The following KIAA1549L variants were observed in gnomAD, a reference collection of about 807,000 sequenced individuals.
KIAA1549L encodes the protein UPF0606 protein KIAA1549L.
Under a neutral mutation model 160.7 loss-of-function variants are expected in KIAA1549L, and 88 were observed. That is an observed-to-expected ratio of 0.55 (90% CI 0.46 to 0.65). The LOEUF is 0.65. Ranked by LOEUF, KIAA1549L falls within the 30% of genes least tolerant of loss-of-function variation. The probability of loss-of-function intolerance (pLI) is 0.00; values close to 1 mark genes in which losing one functional copy is unlikely to be tolerated. For missense variants in KIAA1549L, 2,258 were observed against 2,437.5 expected, an observed-to-expected ratio of 0.93 and a Z score of 1.55; for synonymous variants, 950 against 976.7, an observed-to-expected ratio of 0.97 and a Z score of 0.51.
intron 1 of KIAA1549L, among the ~76,000 whole-genome samples, chr11:33,427,134 G>A (rs893101792): frequency 6.6e-6 from 1 of 152,138 alleles, no homozygotes; most frequent in African/African-American, 2.4e-5. Context: ...TGGGCCTTTG[G>A]TGCTGCCCAG....
At chr11:33,659,897 T>A (rs1852201827) in intron 19 of KIAA1549L, among the ~76,000 whole-genome samples, 1 of 152,188 alleles carries the variant, frequency 6.6e-6, no homozygotes, top group African/African-American at 2.4e-5. Flanking sequence ...TGGGGCTGCA[T>A]GGCAGGTGGA....
intron 13 of KIAA1549L, among the ~76,000 whole-genome samples, chr11:33,604,185 T>G (rs1850438567): frequency 6.6e-6 from 1 of 152,210 alleles, no homozygotes; most frequent in South Asian, 2.1e-4. Context: ...TCATATCATA[T>G]CTGTGGGTAA....
chr11:33,400,060 A>G (rs1304958006), intron 1 of KIAA1549L, among the ~76,000 whole-genome samples: 1 of 152,022 alleles, frequency 6.6e-6, no homozygotes, highest in Admixed American at 6.5e-5. Context: ...AATATGTTCA[A>G]TGTTTATTAT....
chr11:33,612,778 C>G (rs1047785066), intron 15 of KIAA1549L, among the ~76,000 whole-genome samples: 14 of 152,110 alleles, frequency 9.2e-5, no homozygotes, highest in African/African-American at 3.1e-4. Context: ...CTGAAGTATA[C>G]CCCAGTGTCG....
intron 1 of KIAA1549L, among the ~76,000 whole-genome samples, chr11:33,436,297 G>T (rs1851380260): frequency 6.6e-6 from 1 of 152,148 alleles, no homozygotes; most frequent in African/African-American, 2.4e-5. Context: ...GAGATGAGAA[G>T]CCCAAGATCA....
intron 1 of KIAA1549L, among the ~76,000 whole-genome samples, chr11:33,400,637 T>C (rs753201605): frequency 5.9e-5 from 9 of 152,212 alleles, no homozygotes; most frequent in Admixed American, 1.3e-4. Context: ...CCACAGCACA[T>C]AGTAGAAATT....
At position 33,478,920 on chromosome 11, in the gene KIAA1549L, C is replaced by T. The variant is rs117666511; in HGVS notation, c.239-62882C>T. 6.4e-3 allele frequency among the ~76,000 whole-genome samples: 979 copies of T among 152,224 alleles called. 9 individuals carry two copies. The highest frequency in any genetic ancestry group is 9.4e-3 in the Non-Finnish European group (639 of 68,014). The stretch of plus-strand genomic sequence containing the variant: ...TGCTGGGATTACAGGTGTCAGCCAC[C>T]ATGCCCAGCCACAGGTGCTATTATT... On this transcript the variant is annotated intron_variant, in intron 1 of 20. Transcript: ENST00000658780.
At chr11:33,573,427 T>C (rs548124525) in intron 9 of KIAA1549L, among the ~76,000 whole-genome samples, 123 of 152,328 alleles carry the variant, frequency 8.1e-4, no homozygotes, top group African/African-American at 2.8e-3. Flanking sequence ...TAACTTTATA[T>C]TTTGTGATTT....
At position 33,654,510 on chromosome 11, in the gene KIAA1549L, G is replaced by A. The variant is rs560975285; in HGVS notation, c.5761-1502G>A. 3.3e-5 allele frequency among the ~76,000 whole-genome samples: 5 copies of A among 152,274 alleles called. No individual in the cohort carries two copies. In the South Asian group the frequency reaches 1.0e-3, roughly 32 times the overall value. ...TTTTCTCCAACAAGGATTTACAATT[G>A]CTTCTGCCTGAGCTGGGATCATTGC... On this transcript the variant is annotated intron_variant, in intron 17 of 20. Coordinates refer to ENST00000658780, the MANE Select transcript of KIAA1549L (RefSeq NM_012194.3).
chr11:33,383,731 G>T (rs1850118815), intron 1 of KIAA1549L, among the ~76,000 whole-genome samples: 1 of 152,206 alleles, frequency 6.6e-6, no homozygotes, highest in Non-Finnish European at 1.5e-5. Flanking sequence ...CAGGTTGGGG[G>T]ATGTGGCAGG....
intron 1 of KIAA1549L, among the ~76,000 whole-genome samples, chr11:33,483,227 T>G (rs2133051925): frequency 6.6e-6 from 1 of 152,278 alleles, no homozygotes; most frequent in Middle Eastern, 3.4e-3. Context: ...TGAGATCCTT[T>G]ATGTAATAAA....
chr11:33,387,837 A>C (rs1168081877), intron 1 of KIAA1549L, among the ~76,000 whole-genome samples: 1 of 152,102 alleles, frequency 6.6e-6, no homozygotes, highest in African/African-American at 2.4e-5. Flanking sequence ...AGCCATAAGC[A>C]GATGTTTTGG....
chr11:33,405,108 T>C (rs1377656313), intron 1 of KIAA1549L, among the ~76,000 whole-genome samples: 1 of 152,216 alleles, frequency 6.6e-6, no homozygotes, highest in African/African-American at 2.4e-5. Flanking sequence ...TGTTTTTGTT[T>C]TGGCTTATAT....
chr11:33,672,886 G>T lies in KIAA1549L; in HGVS notation c.*4732G>T, dbSNP rs1431348126. On this transcript the variant is annotated 3_prime_UTR_variant, in exon 21 of 21. Transcript: ENST00000658780. ...TCTTAGCTCAGGTGCTACTAATGTG[G>T]CTCACGGCCACACACTTGCATGGAT... 6.5e-6 allele frequency: 1 copy of T among 153,752 alleles called. No individual in the cohort carries two copies. Among genetic ancestry groups the T allele is most frequent in the Non-Finnish European group, 1.5e-5 (1 of 68,030 alleles). 9.5% of individuals were successfully genotyped at this position (153,752 alleles called of 1,614,324 possible). A position where few individuals can be genotyped will look rare whatever the true frequency, so the allele number is the denominator to read the frequency against.
At chr11:33,486,047 G>A (rs1331961708) in intron 1 of KIAA1549L, among the ~76,000 whole-genome samples, 2 of 152,100 alleles carry the variant, frequency 1.3e-5, no homozygotes, top group East Asian at 1.9e-4. Context: ...GGCTGATTGC[G>A]TATTTTGGCC....
chr11:33,543,523 G>T lies in KIAA1549L; in HGVS notation c.1960G>T (p.Ala654Ser). ...CAGCACCAAGCCAGAGGCTTATGCA[G>T]CTGCTGTGGACCATTCTGGGTTGCC... ...FSSTKPEAYA[A>S]AVDHSGLPAS... is the part of the protein sequence containing the mutation. The change falls in exon 2 of 21, where the codon GCT (alanine) becomes TCT (serine). Residue 654 changes from alanine to serine, a missense_variant. By Grantham distance (99) the Ala-to-Ser change is moderately conservative. This residue lies in a region of KIAA1549L where 11 missense variants were observed against 29.9 expected (regional missense o/e 0.37). Coordinates refer to ENST00000658780, the MANE Select transcript of KIAA1549L (RefSeq NM_012194.3). 6.2e-7 allele frequency: 1 copy of T among 1,614,040 alleles called. No individual in the cohort carries two copies.
At chr11:33,508,767 A>G (rs1216997216) in intron 1 of KIAA1549L, among the ~76,000 whole-genome samples, 2 of 152,158 alleles carry the variant, frequency 1.3e-5, no homozygotes, top group Admixed American at 1.3e-4. Flanking sequence ...TTTGAGACCC[A>G]TTCTCTCAAT....
At chr11:33,448,563 T>G (rs1293726719) in intron 1 of KIAA1549L, among the ~76,000 whole-genome samples, 1 of 152,140 alleles carries the variant, frequency 6.6e-6, no homozygotes, top group Non-Finnish European at 1.5e-5. Flanking sequence ...AGGTCTGTGA[T>G]GAGAATAGGT....
intron 1 of KIAA1549L, among the ~76,000 whole-genome samples, chr11:33,399,192 A>G (rs1254452432): frequency 6.6e-6 from 1 of 152,090 alleles, no homozygotes; most frequent in African/African-American, 2.4e-5. Flanking sequence ...ACCTCAAGTG[A>G]TCCACCTGCT....
Sources: gnomAD v4.1 joint callset for allele counts (sites outside exome capture counted in the v4.1 genomes callset) on GRCh38, gnomAD v4.1.1 for gene constraint, gnomAD v4.1.1 regional missense constraint, MANE v1.5 for transcripts, NCBI Gene and HGNC (gene_info 2026-07-23, HGNC 2026-07-21) for gene names.